CACNA1I: variants seen among roughly 807,000 people sequenced by gnomAD.
The protein encoded by CACNA1I is voltage-dependent T-type calcium channel subunit alpha-1I.
In CACNA1I, 74 loss-of-function variants were observed where a neutral mutation model predicts 201.6. That is an observed-to-expected ratio of 0.37 (90% CI 0.30 to 0.45). The LOEUF (loss-of-function observed/expected upper bound fraction) is 0.45. Among genes scored for constraint, CACNA1I ranks in the 20% least tolerant of loss-of-function variants. The probability of loss-of-function intolerance (pLI) is 1.00; values close to 1 mark genes in which losing one functional copy is unlikely to be tolerated. For synonymous variants in CACNA1I, 1,431 were observed against 1,345.2 expected, an observed-to-expected ratio of 1.06 and a Z score of -1.40; for missense variants, 2,346 against 3,138.1, an observed-to-expected ratio of 0.75 and a Z score of 6.03.
At chr22:39,597,202 C>T (rs1454316346) in intron 1 of CACNA1I, among the ~76,000 whole-genome samples, 1 of 152,176 alleles carries the variant, frequency 6.6e-6, no homozygotes, top group Non-Finnish European at 1.5e-5. Context: ...TCTGAGCAGG[C>T]TTCGGATTTC....
rs938359598 is a variant in CACNA1I, at chr22:39,659,355, G to A, written c.2331-78G>A. Reference sequence around the variant, plus strand: ...CTCCCCCTGCCCTGCATTTTACTGAGTTGACTGAGAATGAAACAAGGTGAG... The same window carrying A: ...CTCCCCCTGCCCTGCATTTTACTGAATTGACTGAGAATGAAACAAGGTGAG... On this transcript the variant is annotated intron_variant, in intron 12 of 36. Transcript: ENST00000402142. The surrounding 1 kb of genome is among the most constrained non-coding windows in gnomAD (Gnocchi z 4.3). 2 of 1,086,620 alleles carry A rather than the reference G, an allele frequency of 1.8e-6. No homozygotes were observed. The highest frequency in any genetic ancestry group is 2.8e-6 in the Non-Finnish European group (2 of 726,968). The allele number at this position is 1,086,620 out of a possible 1,614,324, so 67.3% of individuals were successfully genotyped here.
At chr22:39,645,079 C>T (rs1395375932) in intron 7 of CACNA1I, among the ~76,000 whole-genome samples, 5 of 149,836 alleles carry the variant, frequency 3.3e-5, no homozygotes, top group African/African-American at 9.9e-5. Flanking sequence ...CTCTGCCTTC[C>T]GGGTTCAAGT....
chr22:39,650,099 G>A (rs1216986992), intron 10 of CACNA1I, among the ~76,000 whole-genome samples, 174 bp downstream of exon 10: 1 of 151,984 alleles, frequency 6.6e-6, no homozygotes, highest in Admixed American at 6.5e-5. Context: ...AGCCAGGGCC[G>A]AGCTCAGAGG....
At position 39,609,199 on chromosome 22, in the gene CACNA1I, G is replaced by C. The variant is rs546893289; in HGVS notation, c.482+8546G>C. On this transcript the variant is annotated intron_variant, in intron 3 of 36. Transcript: ENST00000402142. ...GGGCTGTGGTCAGTTCCACCTCACA[G>C]ATGAGGCAGTGACAGGAGTAACTTG... Among the ~76,000 whole-genome samples the C allele has an allele frequency of 1.2e-4, 19 of 152,364 alleles. No individual in the cohort carries two copies. The South Asian group carries it at 3.9e-3, about 32-fold the overall frequency.
intron 10 of CACNA1I, among the ~76,000 whole-genome samples, chr22:39,652,664 G>T (rs1312753393): frequency 1.3e-5 from 2 of 152,202 alleles, no homozygotes; most frequent in Non-Finnish European, 2.9e-5. Flanking sequence ...CAGCACTTTG[G>T]GAGGCTGTGG....
chr22:39,592,813 G>A (rs931042617), intron 1 of CACNA1I, among the ~76,000 whole-genome samples: 14 of 152,156 alleles, frequency 9.2e-5, no homozygotes, highest in African/African-American at 2.4e-4. Context: ...AGCATGAGGC[G>A]TCAGGCCAGG....
At position 39,665,072 on chromosome 22, in the gene CACNA1I, A is replaced by AG; in HGVS notation, c.3851+153dup. Reference sequence around the variant, plus strand: ...AAACACCCTGAGCTGTTCCCGGGGGAGGGGTCTGCAGACCCTGGGGGTGGG... The same window carrying AG: ...AAACACCCTGAGCTGTTCCCGGGGGAGGGGGTCTGCAGACCCTGGGGGTGGG... On this transcript the variant is annotated intron_variant, in intron 21 of 36. Coordinates refer to ENST00000402142, the MANE Select transcript of CACNA1I (RefSeq NM_021096.4). This position sits in a 1 kb window ranked among gnomAD's most constrained non-coding sequence, Gnocchi z 5.5. 1 of 716,254 alleles carries AG rather than the reference A, an allele frequency of 1.4e-6. No homozygotes were observed. The highest frequency in any genetic ancestry group is 2.0e-5 in the African/African-American group (1 of 51,274). The allele number at this position is 716,254 out of a possible 1,614,324, so 44.4% of individuals were successfully genotyped here.
intron 4 of CACNA1I, among the ~76,000 whole-genome samples, chr22:39,633,792 CCTT>C: frequency 6.6e-6 from 1 of 152,224 alleles, no homozygotes. Context: ...CAGCTCTTCA[CCTT>C]CTTTGGGGCC....
chr22:39,662,280 G>T lies in CACNA1I; in HGVS notation c.3217G>T (p.Ala1073Ser). The T allele has an allele frequency of 6.6e-7, 1 of 1,514,994 alleles. No individual in the cohort carries two copies. Among genetic ancestry groups the T allele is most frequent in the African/African-American group, 1.4e-5 (1 of 69,476 alleles). 93.8% of individuals were successfully genotyped at this position (1,514,994 alleles called of 1,614,324 possible). Residue 1073 changes from alanine to serine, a missense_variant, in exon 17 of 37, where the codon GCG becomes TCG. Physicochemically the swap from Ala to Ser is moderately conservative, Grantham distance 99 (BLOSUM62 1). Transcript: ENST00000402142. The part of the protein sequence containing the change: ...DSVDLAELVP[A>S]VGAHPRAAWR... ...GGTGGACCTGGCCGAGCTGGTGCCC[G>T]CGGTGGGCGCCCACCCCCGGGCCGC...
Position 39,666,026 on chromosome 22 carries a change from C to T in CACNA1I, c.4104+20C>T. The T allele has an allele frequency of 6.2e-7, 1 of 1,610,248 alleles. No homozygotes were observed. Among genetic ancestry groups the T allele is most frequent in the African/African-American group, 1.3e-5 (1 of 74,944 alleles). On this transcript the variant is annotated intron_variant, in intron 23 of 36. Transcript: ENST00000402142. The surrounding 1 kb of genome is among the most constrained non-coding windows in gnomAD (Gnocchi z 4.1). ...GGCCAGGTGAGCACCACCGTCCTAGCCCTGATCAGACCCTCCCCTCTCTTG... is the reference window on the plus strand; with the variant it reads ...GGCCAGGTGAGCACCACCGTCCTAGTCCTGATCAGACCCTCCCCTCTCTTG...
rs1365994984 is a variant in CACNA1I at position 39,687,108 on chromosome 22, GA to G, written c.*708del. 1 of 152,184 alleles carries G rather than the reference GA, an allele frequency of 6.6e-6. No homozygotes were observed. Among genetic ancestry groups the G allele is most frequent in the Non-Finnish European group, 1.5e-5 (1 of 68,016 alleles). 9.4% of individuals were successfully genotyped at this position (152,184 alleles called of 1,614,324 possible). A position where few individuals can be genotyped will look rare whatever the true frequency, so the allele number is the denominator to read the frequency against. The stretch of plus-strand genomic sequence containing the variant: ...TCCACCGGTTAGATGTCTCTCTTTA[GA>G]AAAATCAGGGGTGAGTAGCTGTGTT... On this transcript the variant is annotated 3_prime_UTR_variant, in exon 37 of 37. Coordinates refer to ENST00000402142, the MANE Select transcript of CACNA1I (RefSeq NM_021096.4).
chr22:39,582,810 A>G (rs1932599967), intron 1 of CACNA1I, among the ~76,000 whole-genome samples: 1 of 103,798 alleles, frequency 9.6e-6, no homozygotes, highest in Admixed American at 1.2e-4. Context: ...TCACTCACCC[A>G]TCTTTACTCC....
chr22:39,644,042 G>A (rs1240865795), intron 7 of CACNA1I, among the ~76,000 whole-genome samples: 1 of 152,198 alleles, frequency 6.6e-6, no homozygotes, highest in Admixed American at 6.5e-5. Context: ...GCCTGGAGGA[G>A]GGATGGGGAG....
chr22:39,573,057 G>A (rs959347604), intron 1 of CACNA1I, among the ~76,000 whole-genome samples: 5 of 152,120 alleles, frequency 3.3e-5, no homozygotes, highest in Admixed American at 6.6e-5. Context: ...CCCAGCCTAC[G>A]TGGCTAGTTT....
At chr22:39,661,036 C>T (rs533159358) in intron 15 of CACNA1I, 72 bp from the exon 16 acceptor site, 116 of 1,207,898 alleles carry the variant, frequency 9.6e-5, no homozygotes, top group Non-Finnish European at 1.1e-4. Flanking sequence ...TTGTCTGTCT[C>T]GTGGCTCCCT....
chr22:39,623,342 C>T (rs1933804852), intron 4 of CACNA1I, among the ~76,000 whole-genome samples: 1 of 150,364 alleles, frequency 6.7e-6, no homozygotes, highest in Non-Finnish European at 1.5e-5. Flanking sequence ...GTGCATGTGA[C>T]AATGTGTGCA....
At chr22:39,617,185 C>T (rs1020501112) in intron 3 of CACNA1I, among the ~76,000 whole-genome samples, 2 of 152,230 alleles carry the variant, frequency 1.3e-5, no homozygotes, top group Non-Finnish European at 2.9e-5. Context: ...TCTACCCATC[C>T]ATCTTTCAGG....
chr22:39,593,180 T>A (rs1932842084), intron 1 of CACNA1I, among the ~76,000 whole-genome samples: 1 of 152,084 alleles, frequency 6.6e-6, no homozygotes, highest in Non-Finnish European at 1.5e-5. Context: ...GAGGCAGTGC[T>A]GTGCAGCGGC....
In CACNA1I at chr22:39,664,719, CGG is replaced by C; in HGVS notation, c.3667-19_3667-18del. On this transcript the variant is annotated intron_variant, in intron 20 of 36. Transcript: ENST00000402142. ...CGCCCCTCCCGCGGCAGCCTGACCC[CGG>C]CCCCACCCCCGCCCCAGGTAGTCTC... 15 of 1,379,658 alleles carry C rather than the reference CGG, an allele frequency of 1.1e-5. No homozygotes were observed. The highest frequency in any genetic ancestry group is 1.4e-5 in the Non-Finnish European group (14 of 997,716). The allele number at this position is 1,379,658 out of a possible 1,614,324, so 85.5% of individuals were successfully genotyped here.
Sources: gnomAD v4.1 joint callset for allele counts (sites outside exome capture counted in the v4.1 genomes callset) on GRCh38, gnomAD v4.1.1 for gene constraint, Gnocchi (gnomAD v3.1) non-coding constraint, MANE v1.5 for transcripts, NCBI Gene and HGNC (gene_info 2026-07-23, HGNC 2026-07-21) for gene names.